Variants in NRXN1 observed in about 807,000 individuals in gnomAD.
The protein encoded by NRXN1 is neurexin 1.
A neutral mutation model predicts 150.9 loss-of-function variants in NRXN1; 39 were observed. That is an observed-to-expected ratio of 0.26 (90% CI 0.20 to 0.34). The LOEUF (loss-of-function observed/expected upper bound fraction) is 0.34. Among genes scored for constraint, NRXN1 ranks in the 10% least tolerant of loss-of-function variants. The pLI, the probability that NRXN1 is intolerant of heterozygous loss-of-function variation, is 1.00. For synonymous variants in NRXN1, 924 were observed against 757.0 expected, an observed-to-expected ratio of 1.22 and a Z score of -3.62; for missense variants, 1,815 against 1,949.9, an observed-to-expected ratio of 0.93 and a Z score of 1.30.
At chr2:50,154,269 C>T (rs180672593) in intron 18 of NRXN1, among the ~76,000 whole-genome samples, 125 of 151,618 alleles carry the variant, frequency 8.2e-4, no homozygotes, top group African/African-American at 1.4e-3. Flanking sequence ...GTATACTGCT[C>T]GGGTGATGAG....
chr2:50,822,687 C>A (rs749075387), intron 5 of NRXN1, among the ~76,000 whole-genome samples: 1 of 152,058 alleles, frequency 6.6e-6, no homozygotes, highest in Non-Finnish European at 1.5e-5. Flanking sequence ...TAATTAGCAA[C>A]CTTGCTAATG....
intron 2 of NRXN1, among the ~76,000 whole-genome samples, chr2:50,968,380 T>C (rs1165282971): frequency 6.6e-6 from 1 of 152,246 alleles, no homozygotes; most frequent in African/African-American, 2.4e-5. Context: ...TATCAGCCAT[T>C]AATAACTGAG....
chr2:50,993,716 T>C (rs1239619918), intron 2 of NRXN1, among the ~76,000 whole-genome samples: 1 of 151,972 alleles, frequency 6.6e-6, no homozygotes, highest in Non-Finnish European at 1.5e-5. Context: ...ATAATCCATA[T>C]AGCAGGCCAT....
chr2:50,906,577 G>A (rs1458518668), intron 5 of NRXN1, among the ~76,000 whole-genome samples: 1 of 152,014 alleles, frequency 6.6e-6, no homozygotes, highest in African/African-American at 2.4e-5. Context: ...TTTTAAATCT[G>A]TTCTCTTGCC....
chr2:50,839,096 A>C (rs1303159303), intron 5 of NRXN1, among the ~76,000 whole-genome samples: 3 of 152,192 alleles, frequency 2.0e-5, no homozygotes, highest in Non-Finnish European at 4.4e-5. Context: ...AATTTTAAAA[A>C]AGTTCATCAA....
In NRXN1 at chr2:50,430,809, AC is replaced by A. The variant is rs976740538; in HGVS notation, c.3364+34632del. ...CTAATTCCTAATAGGAATCCTTACT[AC>A]CATTTGGACACCTTTTGATTCTTCT... On this transcript the variant is annotated intron_variant, in intron 17 of 22. Transcript: ENST00000401669. Among the ~76,000 whole-genome samples, 64 of 152,268 alleles carry A rather than the reference AC, an allele frequency of 4.2e-4. 1 individual carries two copies. Among genetic ancestry groups the A allele is most frequent in the African/African-American group, 1.5e-3 (63 of 41,552 alleles).
At chr2:51,008,604 G>C (rs1335959045) in intron 2 of NRXN1, among the ~76,000 whole-genome samples, 2 of 151,692 alleles carry the variant, frequency 1.3e-5, no homozygotes, top group African/African-American at 4.8e-5. Context: ...AGGGCATCTT[G>C]AAAACGTATT....
At chr2:50,990,207 G>A (rs1698340922) in intron 2 of NRXN1, among the ~76,000 whole-genome samples, 1 of 151,914 alleles carries the variant, frequency 6.6e-6, no homozygotes, top group Admixed American at 6.6e-5. Flanking sequence ...GGATAGGCAT[G>A]TATTATTCAA....
At chr2:50,678,755 G>A (rs1488971560) in intron 5 of NRXN1, among the ~76,000 whole-genome samples, 3 of 152,106 alleles carry the variant, frequency 2.0e-5, no homozygotes, top group Non-Finnish European at 4.4e-5. Context: ...AGACTGGACT[G>A]TATATGTATG....
chr2:50,310,691 AT>A (rs2075101139), intron 17 of NRXN1, among the ~76,000 whole-genome samples: 1 of 152,198 alleles, frequency 6.6e-6, no homozygotes, highest in Non-Finnish European at 1.5e-5. Context: ...TATAAACTAC[AT>A]TATGGATGTC....
chr2:50,014,874 C>A (rs896976521), intron 21 of NRXN1, among the ~76,000 whole-genome samples: 2 of 152,106 alleles, frequency 1.3e-5, no homozygotes, highest in Non-Finnish European at 2.9e-5. Flanking sequence ...CTCGTTTGAA[C>A]TGATATATGA....
chr2:50,831,887 T>TG (rs1474597031), intron 5 of NRXN1, among the ~76,000 whole-genome samples: 1 of 152,176 alleles, frequency 6.6e-6, no homozygotes, highest in African/African-American at 2.4e-5. Flanking sequence ...TGTGCACAGA[T>TG]GCACAGAGAA....
At chr2:50,656,612 G>C (rs1319652046) in intron 5 of NRXN1, among the ~76,000 whole-genome samples, 1 of 151,830 alleles carries the variant, frequency 6.6e-6, no homozygotes, top group African/African-American at 2.4e-5. Context: ...ATTCATTCCT[G>C]AATGACAGGA....
chr2:50,152,634 C>A (rs1347711794), intron 18 of NRXN1, among the ~76,000 whole-genome samples: 1 of 151,724 alleles, frequency 6.6e-6, no homozygotes, highest in Non-Finnish European at 1.5e-5. Context: ...TATTTTGGCA[C>A]TTTGAATATA....
chr2:50,456,310 T>C (rs562580412), intron 17 of NRXN1, among the ~76,000 whole-genome samples: 51 of 152,264 alleles, frequency 3.3e-4, no homozygotes, highest in Non-Finnish European at 5.9e-4. Context: ...TCACACTCTA[T>C]AGGCCTTTTT....
chr2:50,748,228 A>C (rs1485675803), intron 5 of NRXN1, among the ~76,000 whole-genome samples: 1 of 152,170 alleles, frequency 6.6e-6, no homozygotes, highest in Non-Finnish European at 1.5e-5. Context: ...CCAGCAAATC[A>C]TGTTGCTCCT....
At chr2:50,098,840 T>TGG (rs1700606893) in intron 18 of NRXN1, among the ~76,000 whole-genome samples, 1 of 8,328 alleles carries the variant, frequency 1.2e-4, no homozygotes, top group African/African-American at 9.0e-4. Flanking sequence ...GTTTTTTTTT[T>TGG]TTTTTTTTTT....
At chr2:50,653,536 G>A (rs1392567858) in intron 5 of NRXN1, among the ~76,000 whole-genome samples, 2 of 151,952 alleles carry the variant, frequency 1.3e-5, no homozygotes, top group Non-Finnish European at 2.9e-5. Flanking sequence ...AAACTTTTAG[G>A]CAACTCTTAA....
At chr2:50,975,830 T>A (rs532606182) in intron 2 of NRXN1, among the ~76,000 whole-genome samples, 2 of 152,032 alleles carry the variant, frequency 1.3e-5, no homozygotes, top group Non-Finnish European at 2.9e-5. Context: ...GCAGATTACA[T>A]GGGAAGGGCT....
Sources: allele counts gnomAD v4.1 joint callset (sites outside exome capture counted in the v4.1 genomes callset), GRCh38; gene constraint gnomAD v4.1.1; transcripts MANE v1.5; gene names NCBI Gene and HGNC (gene_info 2026-07-23, HGNC 2026-07-21).